The following DPP6 variants were observed in gnomAD, a reference collection of about 807,000 sequenced individuals.
DPP6 encodes the protein dipeptidyl peptidase like 6.
A neutral mutation model predicts 122.6 loss-of-function variants in DPP6; 69 were observed. The observed-to-expected ratio is 0.56, with a 90% CI of 0.46 to 0.69. The LOEUF is 0.69. DPP6 is among the 30% of genes least tolerant of loss of function. The pLI, the probability that DPP6 is intolerant of heterozygous loss-of-function variation, is 0.00. For synonymous variants in DPP6, 418 were observed against 433.1 expected, an observed-to-expected ratio of 0.97 and a Z score of 0.43; for missense variants, 928 against 1,116.9, an observed-to-expected ratio of 0.83 and a Z score of 2.41.
chr7:153,887,867 C>T, intron 1 of DPP6: 2 of 978,602 alleles, frequency 2.0e-6, no homozygotes, highest in East Asian at 2.8e-5. Flanking sequence ...CGCGGCGGCG[C>T]TTCTCCCACT....
chr7:154,550,944 G>T (rs923209708), intron 4 of DPP6, among the ~76,000 whole-genome samples: 19 of 151,780 alleles, frequency 1.3e-4, no homozygotes, highest in African/African-American at 4.6e-4. Flanking sequence ...TAGAGACAGG[G>T]TTTCACCATA....
At chr7:153,796,520 C>T in the DPP6 span, among the ~76,000 whole-genome samples, 4 of 151,738 alleles carry the variant, frequency 2.6e-5, no homozygotes, top group African/African-American at 4.8e-5. Flanking sequence ...GGAAGTGAAC[C>T]TTTAAACCCT....
At chr7:154,026,531 C>G (rs1057034576) in intron 1 of DPP6, 7 of 152,152 alleles carry the variant, frequency 4.6e-5, no homozygotes, top group African/African-American at 1.7e-4. Context: ...AAGCCTGGGC[C>G]TGGAGTGTGA....
chr7:153,931,607 G>A (rs17173837), intron 1 of DPP6, among the ~76,000 whole-genome samples: 5,369 of 152,276 alleles, frequency 0.035, 308 homozygotes, highest in African/African-American at 0.12. Context: ...GTCAGATTCC[G>A]TGGAGGGCCT....
chr7:154,420,878 A>T (rs893152901), intron 1 of DPP6, among the ~76,000 whole-genome samples: 2 of 152,210 alleles, frequency 1.3e-5, no homozygotes, highest in African/African-American at 4.8e-5. Flanking sequence ...AAGTTCTACA[A>T]ATCTGCTCTA....
rs1390998701 is a variant in DPP6 at position 154,803,926 on chromosome 7, C to T, written c.1470C>T (p.Ile490=). 6.2e-7 allele frequency: 1 copy of T among 1,613,924 alleles called. No individual in the cohort carries two copies. Among genetic ancestry groups the T allele is most frequent in the Non-Finnish European group, 8.5e-7 (1 of 1,179,856 alleles). Residue 490 remains isoleucine, a synonymous_variant, in exon 14 of 26, where the codon ATC becomes ATT. Coordinates refer to ENST00000377770, the MANE Select transcript of DPP6 (RefSeq NM_130797.4). ...CCGGGGACTGGGACGTGACCAAGAT[C>T]CTAGCCTACGATGAGAAGGGGAATA... is the stretch of plus-strand genomic sequence containing the variant. The part of the protein sequence containing the change: ...ITSGDWDVTK[I]LAYDEKGNKI...
At chr7:154,364,354 A>C (rs898866875) in intron 1 of DPP6, among the ~76,000 whole-genome samples, 1 of 152,180 alleles carries the variant, frequency 6.6e-6, no homozygotes, top group African/African-American at 2.4e-5. Flanking sequence ...CTACAGGCCC[A>C]CACACACTTA....
rs1227167652 is a variant in DPP6 at position 154,486,917 on chromosome 7, T to G, written c.457+11880T>G. ...TGTTGATGCTGCTTAATTCATAATT[T>G]GGGGACTCAAGTCTCTGCAGGCTCC... On this transcript the variant is annotated intron_variant, in intron 3 of 25. Transcript: ENST00000377770. The surrounding 1 kb of genome is among the most constrained non-coding windows in gnomAD (Gnocchi z 4.5). Among the ~76,000 whole-genome samples, 1 of 152,144 alleles carries G rather than the reference T, an allele frequency of 6.6e-6. No homozygotes were observed. Among genetic ancestry groups the G allele is most frequent in the South Asian group, 2.1e-4 (1 of 4,820 alleles).
chr7:154,890,140 T>A lies in DPP6; in HGVS notation c.2451+610T>A, dbSNP rs141511402. The A allele has an allele frequency of 5.9e-3, 897 of 153,064 alleles. 12 individuals are homozygous for A. The highest frequency in any genetic ancestry group is 0.026 in the Admixed American group (400 of 15,350). The allele number at this position is 153,064 out of a possible 1,614,324, so 9.5% of individuals were successfully genotyped here. ...CTCTTCCCAGTAATGCACAGGGATG[T>A]CTCTGGAAACTTCTGCCATTTCCTT... On this transcript the variant is annotated intron_variant, in intron 25 of 25. Coordinates refer to ENST00000377770, the MANE Select transcript of DPP6 (RefSeq NM_130797.4).
the DPP6 span, among the ~76,000 whole-genome samples, chr7:153,791,106 T>C: frequency 1.3e-5 from 2 of 152,206 alleles, no homozygotes; most frequent in Non-Finnish European, 2.9e-5. Flanking sequence ...TATAAAAGGC[T>C]CAGAAATATT....
intron 5 of DPP6, among the ~76,000 whole-genome samples, chr7:154,614,427 T>C (rs1315084888): frequency 1.8e-5 from 1 of 56,292 alleles, no homozygotes; most frequent in Non-Finnish European, 4.7e-5. Flanking sequence ...TGATGTAGCT[T>C]TTTTTCCAGG....
At chr7:154,349,292 C>T (rs1204080485) in intron 1 of DPP6, among the ~76,000 whole-genome samples, 5 of 152,362 alleles carry the variant, frequency 3.3e-5, no homozygotes, top group Admixed American at 2.0e-4. Context: ...GCTTCTGCCT[C>T]AGCCTCCCAA....
intron 7 of DPP6, among the ~76,000 whole-genome samples, chr7:154,711,864 C>T (rs1841200407): frequency 6.6e-6 from 1 of 151,944 alleles, no homozygotes; most frequent in African/African-American, 2.4e-5. Context: ...ATTCTGGGAA[C>T]ATGCAGATTG....
At chr7:154,049,244 A>G (rs567014320), upstream of DPP6, among the ~76,000 whole-genome samples, 2,845 of 139,430 alleles carry the variant, frequency 0.02, 44 homozygotes, top group African/African-American at 0.075. Context: ...GAACCACTAC[A>G]CCTATTTTGA....
intron 5 of DPP6, among the ~76,000 whole-genome samples, chr7:154,632,437 G>A (rs897670214): frequency 7.2e-5 from 11 of 152,116 alleles, no homozygotes; most frequent in Non-Finnish European, 4.4e-5. Flanking sequence ...TGGAGTAGGG[G>A]AAGCAAGGGG....
At chr7:153,934,500 A>G (rs971678590) in intron 1 of DPP6, among the ~76,000 whole-genome samples, 2 of 152,164 alleles carry the variant, frequency 1.3e-5, no homozygotes, top group African/African-American at 2.4e-5. Flanking sequence ...TAAATACAAT[A>G]TAAGCATAAC....
chr7:154,371,511 G>T (rs534148175), intron 1 of DPP6, among the ~76,000 whole-genome samples: 1 of 152,176 alleles, frequency 6.6e-6, no homozygotes, highest in East Asian at 1.9e-4. Flanking sequence ...CTCCTGAGTA[G>T]GCTCAAGCTT....
At chr7:154,060,814 A>G (rs10228136) in intron 1 of DPP6, among the ~76,000 whole-genome samples, 56,745 of 102,420 alleles carry the variant, frequency 0.55, 14,855 homozygotes, top group South Asian at 0.64. Context: ...CGCACCCCCC[A>G]TGAGGCAGGG....
At chr7:154,698,279 G>C (rs1840328894) in intron 7 of DPP6, among the ~76,000 whole-genome samples, 1 of 152,186 alleles carries the variant, frequency 6.6e-6, no homozygotes, top group Admixed American at 6.5e-5. Flanking sequence ...CCATTTTCCA[G>C]CTAGACCAGC....
Sources: gnomAD v4.1 joint callset for allele counts (sites outside exome capture counted in the v4.1 genomes callset) on GRCh38, gnomAD v4.1.1 for gene constraint, Gnocchi (gnomAD v3.1) non-coding constraint, MANE v1.5 for transcripts, NCBI Gene and HGNC (gene_info 2026-07-23, HGNC 2026-07-21) for gene names.